TRAF5: variants seen among roughly 807,000 people sequenced by gnomAD.
The protein encoded by TRAF5 is TNF receptor-associated factor 5.
A neutral mutation model predicts 64.5 loss-of-function variants in TRAF5; 48 were observed. The ratio of observed to expected loss-of-function variants is 0.74; its 90% CI spans 0.59 to 0.95. TRAF5 has a LOEUF of 0.95. TRAF5 is among the 40% of genes least tolerant of loss of function. TRAF5 has a pLI of 0.00. For missense variants in TRAF5, 545 were observed against 662.8 expected (o/e 0.82, Z 1.95); for synonymous variants, 206 against 240.5 (o/e 0.86, Z 1.33).
rs150813652 is a variant in TRAF5 at position 211,364,220 on chromosome 1, G to A, written c.697-1156G>A. 6.2e-3 allele frequency among the ~76,000 whole-genome samples: 944 copies of A among 152,300 alleles called. 6 individuals carry two copies. The highest frequency in any genetic ancestry group is 0.027 in the Middle Eastern group (8 of 294). ...AAAAAAAAATATTTTAATGATTAGG[G>A]AAAAAGCAACCATTTCTTCTTGCAA... On this transcript the variant is annotated intron_variant, in intron 7 of 10. Transcript: ENST00000261464.
Position 211,353,279 on chromosome 1 carries a change from T to C in TRAF5, c.40T>C (p.Phe14Leu). The C allele has an allele frequency of 6.2e-7, 1 of 1,614,218 alleles. No individual in the cohort carries two copies. The highest frequency in any genetic ancestry group is 8.5e-7 in the Non-Finnish European group (1 of 1,180,046). Residue 14 changes from phenylalanine (F) to leucine (L), a missense_variant, in exon 2 of 11, where the codon TTC becomes CTC. By Grantham distance (22) the Phe-to-Leu change is conservative (BLOSUM62 0). Coordinates refer to ENST00000261464, the MANE Select transcript of TRAF5 (RefSeq NM_001033910.3). ...SEEHKGMPCG[F>L]IRQNSGNSIS... ...AGAGCATAAAGGTATGCCCTGTGGT[T>C]TCATCCGCCAGAATTCCGGCAACTC...
Position 211,372,561 on chromosome 1 carries a change from T to C in TRAF5, c.1533T>C (p.Pro511=). ...PDPNSSSFKR[P]DGEMNIASGC... ...CCAATAGCAGCAGCTTTAAAAGACCTGATGGGGAGATGAACATTGCATCTG... is the reference window on the plus strand; with the variant it reads ...CCAATAGCAGCAGCTTTAAAAGACCCGATGGGGAGATGAACATTGCATCTG... Residue 511 remains proline, a synonymous_variant, in exon 11 of 11, where the codon CCT becomes CCC. Transcript: ENST00000261464. 2 of 1,614,174 alleles carry C rather than the reference T, an allele frequency of 1.2e-6. No homozygotes were observed. Among genetic ancestry groups the C allele is most frequent in the South Asian group, 2.2e-5 (2 of 91,082 alleles).
At chr1:211,338,547 G>T (rs1702365803) in intron 1 of TRAF5, among the ~76,000 whole-genome samples, 1 of 152,194 alleles carries the variant, frequency 6.6e-6, no homozygotes, top group Non-Finnish European at 1.5e-5. Flanking sequence ...GCTTATTTAT[G>T]TGCCAGGAAT....
chr1:211,349,034 T>TTA (rs1553269850), intron 1 of TRAF5, among the ~76,000 whole-genome samples: 1 of 84,678 alleles, frequency 1.2e-5, no homozygotes, highest in Admixed American at 1.5e-4. Flanking sequence ...ACTCTGTCTC[T>TTA]AAAAAAAAAA....
At chr1:211,333,902 C>A (rs1433545279) in intron 1 of TRAF5, among the ~76,000 whole-genome samples, 2 of 152,194 alleles carry the variant, frequency 1.3e-5, no homozygotes, top group African/African-American at 4.8e-5. Flanking sequence ...TTAATCCATA[C>A]CCCTGCCACT....
chr1:211,333,144 A>AAT (rs1419357759), intron 1 of TRAF5, among the ~76,000 whole-genome samples: 1 of 152,146 alleles, frequency 6.6e-6, no homozygotes, highest in East Asian at 1.9e-4. Context: ...AATTCTGTTC[A>AAT]AGCCTTGTTA....
intron 1 of TRAF5, among the ~76,000 whole-genome samples, chr1:211,341,848 C>T (rs752675859): frequency 2.0e-5 from 3 of 152,148 alleles, no homozygotes; most frequent in South Asian, 4.1e-4. Context: ...AAATGTTTAG[C>T]GCGAGATAGT....
chr1:211,341,741 A>AT (rs1702452910), intron 1 of TRAF5, among the ~76,000 whole-genome samples: 1 of 152,086 alleles, frequency 6.6e-6, no homozygotes. Context: ...GGGGTGGGGA[A>AT]TTTGGGCCCA....
Position 211,369,341 on chromosome 1 carries a change from T to C in TRAF5, c.790-111T>C, listed in dbSNP as rs56069884. The C allele has an allele frequency of 8.0e-4, 778 of 976,598 alleles. 1 individual carries two copies. Among genetic ancestry groups the C allele is most frequent in the Non-Finnish European group, 1.0e-3 (717 of 695,858 alleles). The allele number at this position is 976,598 out of a possible 1,614,324, so 60.5% of individuals were successfully genotyped here. A position where few individuals can be genotyped will look rare whatever the true frequency, so the allele number is the denominator to read the frequency against. ...GTAAATATTTTCCTAGAAATAAATA[T>C]GTAGATTTTTTCCTAGAAATACTTT... On this transcript the variant is annotated intron_variant, in intron 8 of 10. Coordinates refer to ENST00000261464, the MANE Select transcript of TRAF5 (RefSeq NM_001033910.3).
chr1:211,327,746 G>A (rs543255381), intron 1 of TRAF5, among the ~76,000 whole-genome samples: 1 of 152,338 alleles, frequency 6.6e-6, no homozygotes, highest in East Asian at 1.9e-4. Context: ...TTACTTTCAT[G>A]AGAACTCAGT....
intron 1 of TRAF5, among the ~76,000 whole-genome samples, chr1:211,343,108 A>G (rs897737899): frequency 2.0e-5 from 3 of 152,206 alleles, no homozygotes; most frequent in Non-Finnish European, 4.4e-5. Context: ...TCCTACCAAC[A>G]GTGTATGAGG....
In TRAF5 at chr1:211,371,467, T is replaced by C; in HGVS notation, c.1096T>C (p.Leu366=). 6.2e-7 allele frequency: 1 copy of C among 1,607,028 alleles called. No homozygotes were observed. Among genetic ancestry groups the C allele is most frequent in the Non-Finnish European group, 8.5e-7 (1 of 1,178,526 alleles). The change falls in exon 10 of 11, where the codon TTA becomes CTA. Residue 366 remains leucine (L), a synonymous_variant. Transcript: ENST00000261464. ...ITLLENNDQR[L]AVLEEETNKH... is the part of the protein sequence containing the mutation. ...CCTGCTAGAAAACAATGATCAAAGATTAGGTATGTCTGATATTTTATTTCT... is the reference window on the plus strand; with the variant it reads ...CCTGCTAGAAAACAATGATCAAAGACTAGGTATGTCTGATATTTTATTTCT...
intron 1 of TRAF5, among the ~76,000 whole-genome samples, chr1:211,336,188 T>C (rs1210306540): frequency 2.0e-5 from 3 of 152,218 alleles, no homozygotes; most frequent in Non-Finnish European, 2.9e-5. Flanking sequence ...TCTAGCACCT[T>C]GTACAATGCC....
At chr1:211,327,001 G>A (rs1477423134) in intron 1 of TRAF5, 112 bp downstream of exon 1, 2 of 899,262 alleles carry the variant, frequency 2.2e-6, no homozygotes, top group Non-Finnish European at 2.7e-6. Context: ...GAAAGCGCCT[G>A]CTGGCGTCCG....
intron 4 of TRAF5, chr1:211,357,615 G>A (rs892085457): frequency 4.6e-5 from 7 of 151,236 alleles, no homozygotes; most frequent in African/African-American, 1.7e-4. Flanking sequence ...ATGGTAAGGT[G>A]TAGAATCTTA....
chr1:211,329,223 C>A (rs1201667511), intron 1 of TRAF5, among the ~76,000 whole-genome samples: 2 of 152,204 alleles, frequency 1.3e-5, no homozygotes, highest in East Asian at 1.9e-4. Flanking sequence ...TGGAACCTGG[C>A]ATAGAGTAGG....
chr1:211,356,529 C>T (rs1702974907), intron 4 of TRAF5, 61 bp downstream of exon 4: 2 of 1,426,948 alleles, frequency 1.4e-6, no homozygotes, highest in South Asian at 1.2e-5. Context: ...TGTGTTGAAC[C>T]CCTTTATGTG....
chr1:211,336,552 G>T (rs1054666251), intron 1 of TRAF5, among the ~76,000 whole-genome samples: 1 of 152,254 alleles, frequency 6.6e-6, no homozygotes, highest in African/African-American at 2.4e-5. Flanking sequence ...GCAGTGAGAA[G>T]CGTGCTTAGC....
chr1:211,360,376 T>C (rs751829621), intron 5 of TRAF5: 2 of 486,220 alleles, frequency 4.1e-6, no homozygotes, highest in Non-Finnish European at 3.6e-6. Context: ...TTCTGCAGTG[T>C]AGCTGGGGAG....
Sources: gnomAD v4.1 joint callset for allele counts (sites outside exome capture counted in the v4.1 genomes callset) on GRCh38, gnomAD v4.1.1 for gene constraint, MANE v1.5 for transcripts, NCBI Gene and HGNC (gene_info 2026-07-23, HGNC 2026-07-21) for gene names.